USP47: variants seen among roughly 807,000 people sequenced by gnomAD.
USP47 encodes the protein ubiquitin carboxyl-terminal hydrolase 47.
Under a neutral mutation model 165.1 loss-of-function variants are expected in USP47, and 35 were observed. The observed-to-expected ratio is 0.21, with a 90% CI of 0.16 to 0.28. USP47 has a LOEUF of 0.28. Among genes scored for constraint, USP47 ranks in the 10% least tolerant of loss-of-function variants. The probability of loss-of-function intolerance (pLI) is 1.00; values close to 1 mark genes in which losing one functional copy is unlikely to be tolerated. For missense variants in USP47, 1,277 were observed against 1,607.4 expected (o/e 0.79, Z 3.52); for synonymous variants, 531 against 544.5 (o/e 0.98, Z 0.35).
chr11:11,848,677 T>G (rs1479188196), intron 1 of USP47, among the ~76,000 whole-genome samples: 1 of 149,658 alleles, frequency 6.7e-6, no homozygotes, highest in South Asian at 2.1e-4. Flanking sequence ...TGGTGCGATA[T>G]CACCTCATTG....
intron 1 of USP47, among the ~76,000 whole-genome samples, chr11:11,879,475 G>A (rs1363097870): frequency 6.6e-6 from 1 of 152,052 alleles, no homozygotes; most frequent in African/African-American, 2.4e-5. Flanking sequence ...CTTGAGGGAG[G>A]GCATAGCTTA....
intron 1 of USP47, among the ~76,000 whole-genome samples, chr11:11,873,427 A>T (rs796221936): frequency 6.6e-6 from 1 of 152,142 alleles, no homozygotes; most frequent in Non-Finnish European, 1.5e-5. Context: ...CTGTCGTGAA[A>T]AATTCAAATT....
At chr11:11,865,047 A>G (rs1849593079) in intron 1 of USP47, among the ~76,000 whole-genome samples, 1 of 152,112 alleles carries the variant, frequency 6.6e-6, no homozygotes, top group South Asian at 2.1e-4. Flanking sequence ...TATAGTTAAG[A>G]TGGGTTTTCC....
intron 1 of USP47, among the ~76,000 whole-genome samples, chr11:11,876,069 C>T (rs1325333377): frequency 6.6e-6 from 1 of 152,096 alleles, no homozygotes; most frequent in African/African-American, 2.4e-5. Context: ...CTATGAGTTG[C>T]CTGTAAAATA....
intron 1 of USP47, among the ~76,000 whole-genome samples, chr11:11,862,209 T>A (rs751798829): frequency 3.9e-4 from 59 of 152,168 alleles, no homozygotes; most frequent in Non-Finnish European, 7.2e-4. Flanking sequence ...ATTAAGTTTT[T>A]AAAGCACACT....
chr11:11,891,579 G>T (rs1344403778), intron 3 of USP47, among the ~76,000 whole-genome samples: 1 of 152,154 alleles, frequency 6.6e-6, no homozygotes, highest in East Asian at 1.9e-4. Flanking sequence ...TGCTTGTGCT[G>T]CTTTTATGTC....
rs1279346937 is a variant in USP47, at chr11:11,956,972, ATTC to A, written c.*800_*802del. 6.6e-5 allele frequency: 10 copies of A among 152,228 alleles called. No homozygotes were observed. The highest frequency in any genetic ancestry group is 2.4e-4 in the African/African-American group (10 of 41,458). 9.4% of individuals were successfully genotyped at this position (152,228 alleles called of 1,614,324 possible). On this transcript the variant is annotated 3_prime_UTR_variant, in exon 28 of 28. Transcript: ENST00000527733. ...TGCAGTTCAACTATCTGCCATGATT[ATTC>A]TTTTCACGTATCATTCATTCTGTAC...
intron 20 of USP47, 84 bp downstream of exon 20, chr11:11,943,196 T>G (rs765294358): frequency 1.4e-6 from 2 of 1,416,386 alleles, no homozygotes; most frequent in Non-Finnish European, 1.9e-6. Context: ...AAGTGTTAGG[T>G]ACTTAGTTCT....
intron 1 of USP47, among the ~76,000 whole-genome samples, chr11:11,844,444 A>G (rs1417696465): frequency 1.3e-5 from 2 of 152,128 alleles, no homozygotes; most frequent in African/African-American, 2.4e-5. Flanking sequence ...ATCATCATCT[A>G]AGTTACCCCT....
chr11:11,897,154 GTA>G (rs1564869673), intron 4 of USP47, among the ~76,000 whole-genome samples: 1 of 150,734 alleles, frequency 6.6e-6, no homozygotes, highest in Non-Finnish European at 1.5e-5. Flanking sequence ...AACTGGTTCT[GTA>G]TAGTCTTTCT....
At chr11:11,936,558 A>G (rs759781632) in intron 17 of USP47, 48 bp downstream of exon 17, 1 of 1,413,210 alleles carries the variant, frequency 7.1e-7, no homozygotes, top group South Asian at 1.7e-5. Context: ...TAGAATTTTC[A>G]TGAGAAAGTT....
intron 2 of USP47, among the ~76,000 whole-genome samples, chr11:11,881,538 G>A (rs1218797982): frequency 6.6e-6 from 1 of 151,820 alleles, no homozygotes; most frequent in African/African-American, 2.4e-5. Context: ...TTGGGCTGTG[G>A]TTCCCCTTAG....
chr11:11,885,998 A>G (rs902450471), intron 3 of USP47, among the ~76,000 whole-genome samples: 2 of 152,240 alleles, frequency 1.3e-5, no homozygotes, highest in South Asian at 2.1e-4. Context: ...CAGCAGCCCT[A>G]TGGAAGAGTG....
At position 11,943,120 on chromosome 11, in the gene USP47, C is replaced by T. The variant is rs376016705; in HGVS notation, c.3091+8C>T. 50 of 1,578,590 alleles carry T rather than the reference C, an allele frequency of 3.2e-5. No individual in the cohort carries two copies. Among genetic ancestry groups the T allele is most frequent in the Admixed American group, 5.9e-5 (3 of 51,270 alleles). On this transcript the variant is annotated splice_region_variant and intron_variant, in intron 20 of 27. Transcript: ENST00000527733. Reference sequence around the variant, plus strand: ...CTGGGGAAGGACATAAATGTATGTACTTCAAAAGAAAAACGGTCCTTGAAA... The same window carrying T: ...CTGGGGAAGGACATAAATGTATGTATTTCAAAAGAAAAACGGTCCTTGAAA...
At chr11:11,908,096 C>G (rs1233343447) in intron 8 of USP47, among the ~76,000 whole-genome samples, 1 of 150,054 alleles carries the variant, frequency 6.7e-6, no homozygotes, top group Admixed American at 6.7e-5. Flanking sequence ...TCAAAAAAAA[C>G]AAAAAAAGAT....
At chr11:11,927,072 A>G (rs1452232078) in intron 11 of USP47, among the ~76,000 whole-genome samples, 1 of 151,888 alleles carries the variant, frequency 6.6e-6, no homozygotes, top group Non-Finnish European at 1.5e-5. Flanking sequence ...ATTTCTCTGG[A>G]TATAGAATTC....
At chr11:11,900,612 G>C (rs1193608758) in intron 5 of USP47, among the ~76,000 whole-genome samples, 1 of 152,178 alleles carries the variant, frequency 6.6e-6, no homozygotes, top group Non-Finnish European at 1.5e-5. Context: ...GGAGGAATCT[G>C]TTATTAAACC....
chr11:11,884,451 T>C lies in USP47; in HGVS notation c.244-16T>C, dbSNP rs376204516. ...ATGTTTCTCATAATCTGAAACATTA[T>C]GTTTTATGTCCATAGGCACCACTGG... On this transcript the variant is annotated splice_polypyrimidine_tract_variant and intron_variant, in intron 2 of 27. Transcript: ENST00000527733. 14 of 1,532,480 alleles carry C rather than the reference T, an allele frequency of 9.1e-6. No homozygotes were observed. In the African/African-American group the frequency reaches 1.8e-4, roughly 20 times the overall value. The allele number at this position is 1,532,480 out of a possible 1,614,324, so 94.9% of individuals were successfully genotyped here.
intron 1 of USP47, among the ~76,000 whole-genome samples, chr11:11,851,873 A>T (rs73411061): frequency 0.2 from 30,893 of 152,078 alleles, 3,532 homozygotes; most frequent in Admixed American, 0.36. Flanking sequence ...ATGAATAAAA[A>T]GAAGGATTAT....
Sources: allele counts gnomAD v4.1 joint callset (sites outside exome capture counted in the v4.1 genomes callset), GRCh38; gene constraint gnomAD v4.1.1; transcripts MANE v1.5; gene names NCBI Gene and HGNC (gene_info 2026-07-23, HGNC 2026-07-21).